PITPNM2: variants seen among roughly 807,000 people sequenced by gnomAD.
PITPNM2 encodes phosphatidylinositol transfer protein membrane associated 2, also known as membrane-associated phosphatidylinositol transfer protein 2.
A neutral mutation model predicts 132.2 loss-of-function variants in PITPNM2; 35 were observed. The observed-to-expected ratio is 0.26, with a 90% CI of 0.20 to 0.35. The LOEUF is 0.35. Ranked by LOEUF, PITPNM2 falls within the 10% of genes least tolerant of loss-of-function variation. The pLI is 1.00. For synonymous variants in PITPNM2, 738 were observed against 799.2 expected (o/e 0.92, Z 1.29); for missense variants, 1,332 against 1,912.0 (o/e 0.70, Z 5.66).
chr12:123,070,573 G>C (rs973132981), intron 2 of PITPNM2, among the ~76,000 whole-genome samples: 7 of 152,208 alleles, frequency 4.6e-5, no homozygotes, highest in Non-Finnish European at 8.8e-5. Flanking sequence ...AGCAGGCGAT[G>C]TCCCCCCTCC....
rs1420188003 is a variant in PITPNM2, at chr12:123,120,522, C to T, written c.-199-10034G>A. On this transcript the variant is annotated intron_variant, in intron 1 of 25. Transcript: ENST00000320201. Reference sequence around the variant, plus strand: ...TGGATCATGGAAGAGTCAGAGCCCTCAGCCAGATGTGGCATAAAGCTAATT... The same window carrying T: ...TGGATCATGGAAGAGTCAGAGCCCTTAGCCAGATGTGGCATAAAGCTAATT... 2.0e-5 allele frequency among the ~76,000 whole-genome samples: 3 copies of T among 152,348 alleles called. No homozygotes were observed. In the East Asian group the frequency reaches 5.8e-4, roughly 29 times the overall value.
chr12:122,988,391 C>G (rs773353694), intron 19 of PITPNM2, 41 bp from the exon 20 acceptor site: 1 of 1,562,538 alleles, frequency 6.4e-7, no homozygotes, highest in African/African-American at 1.4e-5. Context: ...GCAGATGCCA[C>G]CCGGGGGCTT....
chr12:123,089,882 C>G (rs958347083), intron 2 of PITPNM2: 1 of 152,200 alleles, frequency 6.6e-6, no homozygotes, highest in Non-Finnish European at 1.5e-5. Flanking sequence ...TGAGTCAGAG[C>G]CAACAAATGG....
intron 1 of PITPNM2, among the ~76,000 whole-genome samples, chr12:123,129,194 G>C (rs974979524): frequency 6.6e-6 from 1 of 151,744 alleles, no homozygotes; most frequent in Non-Finnish European, 1.5e-5. Context: ...CCAACTACTC[G>C]GCAGGCTGAG....
intron 2 of PITPNM2, among the ~76,000 whole-genome samples, chr12:123,059,152 G>A (rs2041144371): frequency 6.6e-6 from 1 of 152,248 alleles, no homozygotes. Context: ...ATCACAGGCT[G>A]AAGAGCCCAT....
rs964110488 is a variant in PITPNM2 at position 123,064,677 on chromosome 12, C to A, written c.-95-29992G>T. The stretch of plus-strand genomic sequence containing the variant: ...TGGGAAGTGAGGAGGCACTGAACAG[C>A]CCCAAATACAACAGCAGGAACAGGA... On this transcript the variant is annotated intron_variant, in intron 2 of 25. Coordinates refer to ENST00000320201, the MANE Select transcript of PITPNM2 (RefSeq NM_020845.3). The surrounding 1 kb of genome is among the most constrained non-coding windows in gnomAD (Gnocchi z 4.0). Among the ~76,000 whole-genome samples, 10 of 152,152 alleles carry A rather than the reference C, an allele frequency of 6.6e-5. No individual in the cohort carries two copies. Among genetic ancestry groups the A allele is most frequent in the Admixed American group, 6.5e-4 (10 of 15,278 alleles).
intron 2 of PITPNM2, 50 bp downstream of exon 2, chr12:123,110,335 G>A (rs918986635): frequency 6.6e-6 from 1 of 152,278 alleles, no homozygotes; most frequent in African/African-American, 2.4e-5. Flanking sequence ...TGGCCTGCAG[G>A]GCCTCAGCTC....
chr12:122,988,452 G>T (rs1040066016), intron 19 of PITPNM2, 102 bp from the exon 20 acceptor site: 122 of 972,858 alleles, frequency 1.3e-4, no homozygotes, highest in Non-Finnish European at 1.9e-4. Flanking sequence ...GGAGCCTGTG[G>T]GTTGTAGGGG....
At position 123,009,325 on chromosome 12, in the gene PITPNM2, A is replaced by G. The variant is rs1200797641; in HGVS notation, c.643+525T>C. On this transcript the variant is annotated intron_variant, in intron 6 of 25. Transcript: ENST00000320201. This position sits in a 1 kb window ranked among gnomAD's most constrained non-coding sequence, Gnocchi z 4.8. ...AGGCCATCTGCTGTCTACCTGTTCC[A>G]TGGGCACCTACTCTGGCTAGGCTGG... Among the ~76,000 whole-genome samples, 1 of 152,156 alleles carries G rather than the reference A, an allele frequency of 6.6e-6. No homozygotes were observed. The highest frequency in any genetic ancestry group is 1.5e-5 in the Non-Finnish European group (1 of 68,024).
rs61677786 is a variant in PITPNM2, at chr12:122,997,518, G to A, written c.1279C>T (p.Leu427=). The change falls in exon 11 of 26, where the codon CTG becomes TTG. Residue 427 remains leucine (L), a synonymous_variant. Transcript: ENST00000320201. ...AGGATGGTGCCTCCGTGCAGCACCA[G>A]TAGCAGCACGTGGATCTTGGAGGGC... The part of the protein sequence containing the change: ...APPSKIHVLL[L]VLHGGTILDT... 8.2e-3 allele frequency: 13,247 copies of A among 1,613,310 alleles called. 817 individuals carry two copies. The African/African-American group carries it at 0.15, about 18-fold the overall frequency.
intron 2 of PITPNM2, among the ~76,000 whole-genome samples, chr12:123,040,967 A>C (rs1013787198): frequency 6.6e-6 from 1 of 152,194 alleles, no homozygotes; most frequent in African/African-American, 2.4e-5. Flanking sequence ...GGCAACTTTT[A>C]CCTGCACTTT....
chr12:122,995,778 G>C, intron 13 of PITPNM2, 118 bp from the exon 14 acceptor site: 1 of 1,362,598 alleles, frequency 7.3e-7, no homozygotes, highest in South Asian at 1.5e-5. Flanking sequence ...TGTCCAGCCG[G>C]CCTCTTGCCA....
Position 123,004,736 on chromosome 12 carries a change from CAG to C in PITPNM2, c.953-249_953-248del, listed in dbSNP as rs1477849675. ...GGAGCATGGGTGGGGAAGAGCATGA[CAG>C]ACATAAGCCCAGGACGTGGGGTAAG... On this transcript the variant is annotated intron_variant, in intron 7 of 25. Coordinates refer to ENST00000320201, the MANE Select transcript of PITPNM2 (RefSeq NM_020845.3). This position sits in a 1 kb window ranked among gnomAD's most constrained non-coding sequence, Gnocchi z 4.9. The C allele has an allele frequency of 3.0e-5, 18 of 600,666 alleles. No homozygotes were observed. The East Asian group carries it at 5.0e-4, about 17-fold the overall frequency. 37.2% of individuals were successfully genotyped at this position (600,666 alleles called of 1,614,324 possible).
intron 10 of PITPNM2, among the ~76,000 whole-genome samples, chr12:122,999,486 G>A (rs2038566583): frequency 6.6e-6 from 1 of 152,166 alleles, no homozygotes; most frequent in Non-Finnish European, 1.5e-5. Context: ...GTCTTACGCA[G>A]CCTTCACGAC....
intron 1 of PITPNM2, among the ~76,000 whole-genome samples, chr12:123,125,605 G>C (rs1423985198): frequency 6.6e-6 from 1 of 151,926 alleles, no homozygotes; most frequent in South Asian, 2.1e-4. Flanking sequence ...AGCACTTTGG[G>C]AGGCCGAGGG....
At chr12:123,011,558 A>G (rs1432624544) in intron 5 of PITPNM2, among the ~76,000 whole-genome samples, 1 of 152,246 alleles carries the variant, frequency 6.6e-6, no homozygotes, top group East Asian at 1.9e-4. Context: ...ATGTGATCTT[A>G]TCTAGAGATA....
chr12:123,148,854 G>T (rs1318581894), intron 1 of PITPNM2, among the ~76,000 whole-genome samples: 2 of 152,140 alleles, frequency 1.3e-5, no homozygotes, highest in Non-Finnish European at 2.9e-5. Flanking sequence ...TCGAAAATCA[G>T]AAGAGGGACC....
At chr12:123,079,979 T>C (rs2041909947) in intron 2 of PITPNM2, among the ~76,000 whole-genome samples, 1 of 152,218 alleles carries the variant, frequency 6.6e-6, no homozygotes, top group Non-Finnish European at 1.5e-5. Flanking sequence ...TCTGTCTCTA[T>C]GGATTTGCCT....
intron 2 of PITPNM2, among the ~76,000 whole-genome samples, chr12:123,044,825 C>T (rs2040601392): frequency 6.6e-6 from 1 of 152,120 alleles, no homozygotes; most frequent in Admixed American, 6.6e-5. Context: ...ACTCTTTACC[C>T]AGGCTAGATA....
Sources: gnomAD v4.1 joint callset for allele counts (sites outside exome capture counted in the v4.1 genomes callset) on GRCh38, gnomAD v4.1.1 for gene constraint, Gnocchi (gnomAD v3.1) non-coding constraint, MANE v1.5 for transcripts, NCBI Gene and HGNC (gene_info 2026-07-23, HGNC 2026-07-21) for gene names.